Variants in BTBD2 observed in about 807,000 individuals in gnomAD.
The protein encoded by BTBD2 is BTB/POZ domain-containing protein 2.
BTBD2 carries 15 observed loss-of-function variants against 44.0 expected under a neutral mutation model. The ratio of observed to expected loss-of-function variants is 0.34; its 90% CI spans 0.23 to 0.53. The LOEUF (loss-of-function observed/expected upper bound fraction) is 0.53, where lower values mean the gene tolerates loss of function less well. Ranked by LOEUF, BTBD2 falls within the 20% of genes least tolerant of loss-of-function variation. The pLI is 0.95. For missense variants in BTBD2, 657 were observed against 746.4 expected, an observed-to-expected ratio of 0.88 and a Z score of 1.39; for synonymous variants, 443 against 335.9, an observed-to-expected ratio of 1.32 and a Z score of -3.49.
intron 1 of BTBD2, among the ~76,000 whole-genome samples, chr19:2,012,125 A>G (rs2016473072): frequency 6.6e-6 from 1 of 151,340 alleles, no homozygotes; most frequent in Non-Finnish European, 1.5e-5. Context: ...AAGTGCTGGG[A>G]TTACAGGCGT....
intron 3 of BTBD2, chr19:1,992,102 T>A (rs1314522614): frequency 1.4e-5 from 2 of 146,598 alleles, no homozygotes; most frequent in East Asian, 3.9e-4. Flanking sequence ...TTATTTTACT[T>A]TTTTTTTAGA....
At chr19:1,990,571 G>A in intron 4 of BTBD2, 146 bp downstream of exon 4, 1 of 769,728 alleles carries the variant, frequency 1.3e-6, no homozygotes. Flanking sequence ...GGCTGTGCTA[G>A]GACCCAAACT....
rs772049204 is a variant in BTBD2, at chr19:1,986,952, C to A, written c.1294G>T (p.Val432Phe). Residue 432 changes from valine to phenylalanine, a missense_variant, in exon 8 of 9, where the codon GTC becomes TTC. By Grantham distance (50) the Val-to-Phe change is conservative. Transcript: ENST00000255608. Reference sequence around the variant, plus strand: ...AAGCCCGTGTCGTTCTGGCCCAAGACGGTGTTGCTATCGGTGTGAATAATC... The same window carrying A: ...AAGCCCGTGTCGTTCTGGCCCAAGAAGGTGTTGCTATCGGTGTGAATAATC... ...IQIIHTDSNT[V>F]LGQNDTGFSC... is the part of the protein sequence containing the mutation. 1.2e-6 allele frequency: 2 copies of A among 1,613,040 alleles called. No individual in the cohort carries two copies. The highest frequency in any genetic ancestry group is 1.7e-6 in the Non-Finnish European group (2 of 1,179,676).
At chr19:1,998,718 A>G (rs1462114216) in intron 1 of BTBD2, among the ~76,000 whole-genome samples, 2 of 152,122 alleles carry the variant, frequency 1.3e-5, no homozygotes, top group Non-Finnish European at 2.9e-5. Context: ...TACAGTCCCC[A>G]GGGCCTGCCC....
intron 1 of BTBD2, among the ~76,000 whole-genome samples, chr19:2,010,019 G>A (rs2016443984): frequency 6.6e-6 from 1 of 152,174 alleles, no homozygotes; most frequent in Non-Finnish European, 1.5e-5. Flanking sequence ...AAGTGTGGTG[G>A]CGGGTGCCTG....
chr19:2,012,448 C>T (rs1313620020), intron 1 of BTBD2, among the ~76,000 whole-genome samples: 2 of 152,244 alleles, frequency 1.3e-5, no homozygotes, highest in East Asian at 1.9e-4. Flanking sequence ...CCGCACCCGG[C>T]CCCTTAGACT....
At chr19:2,012,429 C>T (rs909173075) in intron 1 of BTBD2, among the ~76,000 whole-genome samples, 2 of 152,172 alleles carry the variant, frequency 1.3e-5, no homozygotes, top group South Asian at 2.1e-4. Context: ...GGATTCCAGG[C>T]GTGCGCCCCC....
chr19:1,998,436 C>T lies in BTBD2; in HGVS notation c.408-973G>A, dbSNP rs574363173. The stretch of plus-strand genomic sequence containing the variant: ...AGGAACAGCAGGAGCGTGGGAGGAG[C>T]GTTAGGAGGCAGCAGGGGTGGCCCC... On this transcript the variant is annotated intron_variant, in intron 1 of 8. Coordinates refer to ENST00000255608, the MANE Select transcript of BTBD2 (RefSeq NM_017797.4). Among the ~76,000 whole-genome samples the T allele has an allele frequency of 1.4e-4, 22 of 152,288 alleles. No individual in the cohort carries two copies. The East Asian group carries it at 3.9e-3, about 27-fold the overall frequency.
At chr19:2,007,189 C>T (rs1044988028) in intron 1 of BTBD2, among the ~76,000 whole-genome samples, 11 of 152,068 alleles carry the variant, frequency 7.2e-5, no homozygotes, top group Admixed American at 1.3e-4. Context: ...CGGAGTATCA[C>T]CATGTTGGCC....
At chr19:2,001,654 C>T (rs1441329142) in intron 1 of BTBD2, among the ~76,000 whole-genome samples, 1 of 152,202 alleles carries the variant, frequency 6.6e-6, no homozygotes, top group Non-Finnish European at 1.5e-5. Context: ...ACGAGGGTGG[C>T]CGTCCCGAGC....
Position 1,986,200 on chromosome 19 carries a change from T to G in BTBD2, c.*288A>C. On this transcript the variant is annotated 3_prime_UTR_variant, in exon 9 of 9. Transcript: ENST00000255608. ...GCAGGCGCCCTGAGCTGCGGGTCCG[T>G]GGGCCCTGGCCCAGGCCGGCACAGC... The G allele has an allele frequency of 2.4e-6, 1 of 422,006 alleles. No individual in the cohort carries two copies. The highest frequency in any genetic ancestry group is 4.3e-6 in the Non-Finnish European group (1 of 233,248). The allele number at this position is 422,006 out of a possible 1,614,324, so 26.1% of individuals were successfully genotyped here. A position where few individuals can be genotyped will look rare whatever the true frequency, so the allele number is the denominator to read the frequency against.
rs147464945 is a variant in BTBD2, at chr19:1,993,983, G to A, written c.528-807C>T. ...CTGCACTCCAGCCTGGAGACAGAGC[G>A]AGAATCCGTCTCAAAAAAAAAAAAA... On this transcript the variant is annotated intron_variant, in intron 2 of 8. Transcript: ENST00000255608. Among the ~76,000 whole-genome samples the A allele has an allele frequency of 4.8e-3, 470 of 97,960 alleles. 4 individuals carry two copies. Among genetic ancestry groups the A allele is most frequent in the African/African-American group, 0.018 (450 of 25,246 alleles). 64.3% of individuals were successfully genotyped at this position (97,960 alleles called of 152,430 possible).
At chr19:2,008,078 C>T (rs1253099961) in intron 1 of BTBD2, among the ~76,000 whole-genome samples, 1 of 151,826 alleles carries the variant, frequency 6.6e-6, no homozygotes, top group Admixed American at 6.6e-5. Flanking sequence ...GATCTCAGCT[C>T]ACTGCAACCT....
intron 1 of BTBD2, among the ~76,000 whole-genome samples, chr19:2,002,241 C>A (rs2016338755): frequency 6.6e-6 from 1 of 152,132 alleles, no homozygotes; most frequent in Non-Finnish European, 1.5e-5. Context: ...CCACAATGCC[C>A]AGCTAACTGT....
At chr19:2,007,301 T>C (rs375359395) in intron 1 of BTBD2, among the ~76,000 whole-genome samples, 6 of 152,342 alleles carry the variant, frequency 3.9e-5, no homozygotes, top group African/African-American at 7.2e-5. Flanking sequence ...AATAAAGTTT[T>C]ATTAGAACAC....
chr19:1,990,661 G>T, intron 4 of BTBD2, 56 bp downstream of exon 4: 1 of 1,478,330 alleles, frequency 6.8e-7, no homozygotes, highest in South Asian at 1.2e-5. Context: ...TCAATCCCCG[G>T]ACCCTCCCGC....
At chr19:1,997,594 C>A (rs2055510630) in intron 1 of BTBD2, 131 bp from the exon 2 acceptor site, 1 of 1,349,120 alleles carries the variant, frequency 7.4e-7, no homozygotes, top group Middle Eastern at 2.5e-4. Flanking sequence ...TGTACCAGGC[C>A]CCCCGATGGC....
chr19:1,986,213 A>G lies in BTBD2; in HGVS notation c.*275T>C. The stretch of plus-strand genomic sequence containing the variant: ...GCTGCGGGTCCGTGGGCCCTGGCCC[A>G]GGCCGGCACAGCCCTGTCCCTAGTC... On this transcript the variant is annotated 3_prime_UTR_variant, in exon 9 of 9. Coordinates refer to ENST00000255608, the MANE Select transcript of BTBD2 (RefSeq NM_017797.4). 2.3e-6 allele frequency: 1 copy of G among 438,450 alleles called. No individual in the cohort carries two copies. The highest frequency in any genetic ancestry group is 3.6e-5 in the South Asian group (1 of 27,762). 27.2% of individuals were successfully genotyped at this position (438,450 alleles called of 1,614,324 possible). A position where few individuals can be genotyped will look rare whatever the true frequency, so the allele number is the denominator to read the frequency against.
At chr19:1,988,864 C>T (rs1276430928) in intron 5 of BTBD2, among the ~76,000 whole-genome samples, 3 of 152,176 alleles carry the variant, frequency 2.0e-5, no homozygotes, top group African/African-American at 7.2e-5. Flanking sequence ...TTGGGCCTCC[C>T]AAAGTGCTGG....
Sources: gnomAD v4.1 joint callset for allele counts (sites outside exome capture counted in the v4.1 genomes callset) on GRCh38, gnomAD v4.1.1 for gene constraint, MANE v1.5 for transcripts, NCBI Gene and HGNC (gene_info 2026-07-23, HGNC 2026-07-21) for gene names.